Variants in MYO3A observed in about 807,000 individuals in gnomAD.
The protein encoded by MYO3A is myosin-IIIa.
Under a neutral mutation model 192.7 loss-of-function variants are expected in MYO3A, and 180 were observed. That is an observed-to-expected ratio of 0.93 (90% CI 0.83 to 1.06). The LOEUF is 1.06. Among genes scored for constraint, MYO3A ranks in the 50% least tolerant of loss-of-function variants. The pLI, the probability that MYO3A is intolerant of heterozygous loss-of-function variation, is 0.00. For synonymous variants in MYO3A, 628 were observed against 645.3 expected (o/e 0.97, Z 0.41); for missense variants, 1,896 against 1,905.0 (o/e 1.00, Z 0.09).
Position 25,934,667 on chromosome 10 carries a change from G to A in MYO3A, c.-105+339G>A, listed in dbSNP as rs570633648. On this transcript the variant is annotated intron_variant, in intron 1 of 34. Coordinates refer to ENST00000642920, the MANE Select transcript of MYO3A (RefSeq NM_017433.5). ...AAACGGGGGCGGGGGTGAACTCGAG[G>A]GGGAGCCAGGAGGAGGGAACGGGAA... 9.6e-4 allele frequency among the ~76,000 whole-genome samples: 146 copies of A among 151,924 alleles called. 1 individual carries two copies. Among genetic ancestry groups the A allele is most frequent in the Admixed American group, 1.8e-3 (27 of 15,266 alleles).
intron 6 of MYO3A, among the ~76,000 whole-genome samples, chr10:26,010,617 C>T (rs1270689488): frequency 6.6e-6 from 1 of 152,090 alleles, no homozygotes; most frequent in Non-Finnish European, 1.5e-5. Flanking sequence ...GCACACACCA[C>T]CACACTCGGC....
intron 20 of MYO3A, among the ~76,000 whole-genome samples, chr10:26,132,823 A>G (rs1839619543): frequency 6.6e-6 from 1 of 152,214 alleles, no homozygotes; most frequent in East Asian, 1.9e-4. Flanking sequence ...AATGGAAACA[A>G]TAACTGCAAT....
At chr10:26,065,198 C>G (rs1834740701) in intron 10 of MYO3A, among the ~76,000 whole-genome samples, 2 of 152,148 alleles carry the variant, frequency 1.3e-5, no homozygotes, top group Non-Finnish European at 2.9e-5. Flanking sequence ...AAAATGAGGA[C>G]TTAAAATTGA....
At chr10:26,173,323 C>T (rs569735936) in intron 29 of MYO3A, among the ~76,000 whole-genome samples, 1 of 152,284 alleles carries the variant, frequency 6.6e-6, no homozygotes, top group Admixed American at 6.5e-5. Context: ...CAGCATCTCA[C>T]TACTAAAGGT....
At chr10:26,080,537 T>G (rs1478664002) in intron 14 of MYO3A, among the ~76,000 whole-genome samples, 4 of 90,390 alleles carry the variant, frequency 4.4e-5, no homozygotes, top group African/African-American at 1.3e-4. Flanking sequence ...TAAATCTGGG[T>G]TTTTTTTTTT....
At chr10:26,100,865 A>G (rs1158972746) in intron 17 of MYO3A, among the ~76,000 whole-genome samples, 1 of 152,166 alleles carries the variant, frequency 6.6e-6, no homozygotes, top group African/African-American at 2.4e-5. Context: ...AGAAGAATGT[A>G]TATTCTGTTG....
intron 32 of MYO3A, among the ~76,000 whole-genome samples, chr10:26,199,473 G>A (rs1010351686): frequency 1.3e-5 from 2 of 152,124 alleles, no homozygotes; most frequent in Admixed American, 6.5e-5. Flanking sequence ...GGATCACTAA[G>A]GTGGGAGGAT....
At chr10:25,991,695 G>T (rs538532216) in intron 4 of MYO3A, among the ~76,000 whole-genome samples, 205 of 152,284 alleles carry the variant, frequency 1.3e-3, no homozygotes, top group African/African-American at 4.6e-3. Flanking sequence ...TTTGTATAAG[G>T]TGTAAGGAAG....
chr10:25,992,678 T>A (rs1289289195), intron 4 of MYO3A, among the ~76,000 whole-genome samples: 1 of 152,204 alleles, frequency 6.6e-6, no homozygotes, highest in African/African-American at 2.4e-5. Context: ...TTGAGATATG[T>A]CCCATCAATA....
intron 32 of MYO3A, among the ~76,000 whole-genome samples, chr10:26,197,119 A>G (rs117020330): frequency 6.6e-5 from 10 of 152,364 alleles, no homozygotes; most frequent in Middle Eastern, 3.4e-3. Context: ...TTACCAAGGA[A>G]GAAGGCCTTA....
Position 26,203,053 on chromosome 10 carries a change from G to A in MYO3A, c.4676G>A (p.Arg1559Lys), listed in dbSNP as rs1421269252. 1 of 1,613,732 alleles carries A rather than the reference G, an allele frequency of 6.2e-7. No individual in the cohort carries two copies. The highest frequency in any genetic ancestry group is 1.1e-5 in the South Asian group (1 of 91,070). Residue 1559 changes from arginine (R) to lysine (K), a missense_variant, in exon 34 of 35, where the codon AGA becomes AAA. By Grantham distance (26) the Arg-to-Lys change is conservative. Transcript: ENST00000642920. ...SGPKEHSPSL[R>K]ERRPQQELQN... is the part of the protein sequence containing the mutation. ...CCAAAGGAACATAGCCCTAGTTTAA[G>A]AGAACGAAGACCACAGCAAGAACTC...
At chr10:26,100,666 T>C (rs1471963247) in intron 17 of MYO3A, among the ~76,000 whole-genome samples, 1 of 152,228 alleles carries the variant, frequency 6.6e-6, no homozygotes, top group African/African-American at 2.4e-5. Context: ...CAGTAGTCAT[T>C]CAGGAGCAGG....
rs549444584 is a variant in MYO3A, at chr10:26,157,703, G to T, written c.2999+188G>T. ...AGGCTGAAAGACTCTGGACAGATGG[G>T]TGGTACTATGTGGTATAGGCAGCAT... On this transcript the variant is annotated intron_variant, in intron 26 of 34. Coordinates refer to ENST00000642920, the MANE Select transcript of MYO3A (RefSeq NM_017433.5). 2.0e-4 allele frequency among the ~76,000 whole-genome samples: 30 copies of T among 152,306 alleles called. No homozygotes were observed. In the South Asian group the frequency reaches 3.1e-3, roughly 16 times the overall value.
At chr10:26,145,218 G>A (rs1482591792) in intron 21 of MYO3A, among the ~76,000 whole-genome samples, 1 of 150,524 alleles carries the variant, frequency 6.6e-6, no homozygotes, top group Non-Finnish European at 1.5e-5. Context: ...TGACTCTGAT[G>A]CATGACATGG....
At chr10:26,035,371 A>T (rs1248691458) in intron 10 of MYO3A, among the ~76,000 whole-genome samples, 2 of 152,232 alleles carry the variant, frequency 1.3e-5, no homozygotes, top group Non-Finnish European at 2.9e-5. Context: ...CCTAAGTAGC[A>T]CTAAATAAAG....
chr10:26,145,801 T>C (rs1840429173), intron 22 of MYO3A, among the ~76,000 whole-genome samples: 1 of 152,196 alleles, frequency 6.6e-6, no homozygotes, highest in African/African-American at 2.4e-5. Flanking sequence ...AGTCTTTCTC[T>C]TAGTTTAACA....
chr10:26,132,118 A>G (rs1457973769), intron 20 of MYO3A, among the ~76,000 whole-genome samples: 3 of 152,286 alleles, frequency 2.0e-5, no homozygotes, highest in East Asian at 1.9e-4. Flanking sequence ...TTTTTTCACA[A>G]TAGCCCTCAT....
chr10:26,177,470 A>G (rs1389249047), intron 31 of MYO3A, among the ~76,000 whole-genome samples: 1 of 152,144 alleles, frequency 6.6e-6, no homozygotes, highest in African/African-American at 2.4e-5. Context: ...GCTGGCCTCC[A>G]TGAGCCCTTC....
intron 6 of MYO3A, among the ~76,000 whole-genome samples, chr10:26,002,735 G>A (rs759094931): frequency 6.6e-6 from 1 of 152,116 alleles, no homozygotes; most frequent in Non-Finnish European, 1.5e-5. Context: ...TGCTTTATGA[G>A]GAAGTTAAGT....
Sources: allele counts gnomAD v4.1 joint callset (sites outside exome capture counted in the v4.1 genomes callset), GRCh38; gene constraint gnomAD v4.1.1; transcripts MANE v1.5; gene names NCBI Gene and HGNC (gene_info 2026-07-23, HGNC 2026-07-21).